PRDM1: variants seen among roughly 807,000 people sequenced by gnomAD.
PRDM1 encodes the protein PR/SET domain 1.
A neutral mutation model predicts 62.8 loss-of-function variants in PRDM1; 13 were observed. The ratio of observed to expected loss-of-function variants is 0.21; its 90% CI spans 0.13 to 0.33. PRDM1 has a LOEUF of 0.33. PRDM1 is among the 10% of genes least tolerant of loss of function. The probability of loss-of-function intolerance (pLI) is 1.00; values close to 1 mark genes in which losing one functional copy is unlikely to be tolerated. For synonymous variants in PRDM1, 396 were observed against 417.6 expected (o/e 0.95, Z 0.63); for missense variants, 895 against 1,058.8 (o/e 0.85, Z 2.15).
chr6:106,013,367 GC>G (rs1267174579), intron 1 of PRDM1, among the ~76,000 whole-genome samples: 2 of 130,014 alleles, frequency 1.5e-5, no homozygotes, highest in Admixed American at 1.7e-4. Flanking sequence ...TCTCTTTGTT[GC>G]TCGGGCTGGA....
rs1196030599 is a variant in PRDM1 at position 106,088,240 on chromosome 6, G to C, written c.82G>C (p.Gly28Arg). The stretch of plus-strand genomic sequence containing the variant: ...TAACTCCAGCACTGTGAGGTTTCAG[G>C]GATTGGCAGAGGGGACCAAGGGGAC... Reference protein sequence around the residue: ...KCNSSTVRFQGLAEGTKGTMK... With the variant: ...KCNSSTVRFQRLAEGTKGTMK... The change falls in exon 2 of 7, where the codon GGA becomes CGA. Residue 28 changes from glycine to arginine, a missense_variant. Physicochemically the swap from Gly to Arg is moderately radical, Grantham distance 125. Coordinates refer to ENST00000369096, the MANE Select transcript of PRDM1 (RefSeq NM_001198.4). 6.2e-7 allele frequency: 1 copy of C among 1,613,786 alleles called. No individual in the cohort carries two copies. The highest frequency in any genetic ancestry group is 1.7e-5 in the Admixed American group (1 of 59,980).
intron 1 of PRDM1, among the ~76,000 whole-genome samples, chr6:106,066,830 C>T (rs1238612175): frequency 2.0e-5 from 3 of 152,142 alleles, no homozygotes; most frequent in Non-Finnish European, 4.4e-5. Context: ...GTATTTTCTT[C>T]ATCATTACAT....
At chr6:106,081,857 C>T (rs956055487), upstream of PRDM1, among the ~76,000 whole-genome samples, 11 of 152,174 alleles carry the variant, frequency 7.2e-5, no homozygotes, top group African/African-American at 2.4e-4. Flanking sequence ...GGGGACTGCT[C>T]CTCCCTGCAC....
At position 106,089,983 on chromosome 6, in the gene PRDM1, T is replaced by G. The variant is rs181850601; in HGVS notation, c.291+1534T>G. Among the ~76,000 whole-genome samples the G allele has an allele frequency of 1.9e-3, 296 of 152,380 alleles. 1 individual carries two copies. Among genetic ancestry groups the G allele is most frequent in the South Asian group, 5.8e-3 (28 of 4,834 alleles). On this transcript the variant is annotated intron_variant, in intron 2 of 6. Coordinates refer to ENST00000369096, the MANE Select transcript of PRDM1 (RefSeq NM_001198.4). Reference sequence around the variant, plus strand: ...ATAATGTTCTTATCGTCAGTTCAGCTCTTAGCTTAAGTTTTTCAATTTCCG... The same window carrying G: ...ATAATGTTCTTATCGTCAGTTCAGCGCTTAGCTTAAGTTTTTCAATTTCCG...
At chr6:106,095,115 G>A (rs1774076427) in intron 2 of PRDM1, among the ~76,000 whole-genome samples, 1 of 150,948 alleles carries the variant, frequency 6.6e-6, no homozygotes, top group Non-Finnish European at 1.5e-5. Flanking sequence ...TTGGTTTCTG[G>A]TTCCTTAGGC....
At chr6:106,020,038 C>T (rs188126899) in intron 1 of PRDM1, among the ~76,000 whole-genome samples, 59 of 148,820 alleles carry the variant, frequency 4.0e-4, no homozygotes, top group African/African-American at 1.4e-3. Flanking sequence ...ACAAGCCTGG[C>T]CAACATGGTG....
At chr6:106,012,375 A>G (rs1056677135) in intron 1 of PRDM1, among the ~76,000 whole-genome samples, 1 of 150,862 alleles carries the variant, frequency 6.6e-6, no homozygotes, top group African/African-American at 2.4e-5. Context: ...CCTCTACATT[A>G]CACATACCAC....
chr6:106,030,996 CTTTT>C (rs11343130), intron 1 of PRDM1, among the ~76,000 whole-genome samples: 1 of 135,310 alleles, frequency 7.4e-6, no homozygotes, highest in Admixed American at 7.4e-5. Flanking sequence ...TGTATTCTCT[CTTTT>C]TTTTTTTTTT....
At chr6:106,044,475 C>G (rs1290502601), upstream of PRDM1, among the ~76,000 whole-genome samples, 2 of 151,998 alleles carry the variant, frequency 1.3e-5, no homozygotes, top group Non-Finnish European at 2.9e-5. Context: ...AGTATTGAAC[C>G]CAGGGCAAAC....
intron 1 of PRDM1, among the ~76,000 whole-genome samples, chr6:106,038,841 G>C (rs915271173): frequency 1.2e-4 from 19 of 152,154 alleles, no homozygotes; most frequent in African/African-American, 4.6e-4. Flanking sequence ...TCCCCTAGAG[G>C]TTGCATGAGT....
chr6:106,008,749 C>T (rs1351220658), intron 1 of PRDM1, among the ~76,000 whole-genome samples: 2 of 152,164 alleles, frequency 1.3e-5, no homozygotes, highest in African/African-American at 4.8e-5. Flanking sequence ...TCTTTATCCC[C>T]GTTTCTCCAG....
chr6:106,097,117 A>C (rs1316998942), intron 3 of PRDM1, among the ~76,000 whole-genome samples: 1 of 152,236 alleles, frequency 6.6e-6, no homozygotes, highest in East Asian at 1.9e-4. Context: ...CACAATTTTT[A>C]TTTAATAATT....
At position 106,105,060 on chromosome 6, in the gene PRDM1, C is replaced by T. The variant is rs761441184; in HGVS notation, c.900C>T (p.Pro300=). 3 of 1,614,112 alleles carry T rather than the reference C, an allele frequency of 1.9e-6. No individual in the cohort carries two copies. Among genetic ancestry groups the T allele is most frequent in the East Asian group, 4.5e-5 (2 of 44,880 alleles). The change falls in exon 5 of 7, where the codon CCC becomes CCT. Residue 300 remains proline (P), a synonymous_variant. Transcript: ENST00000369096. ...CCTTCTACCCTCGGGTCGTTTACCC[C>T]ATCCGGGCCCCTCTGCCAGAAGACT... ...EMPFYPRVVY[P]IRAPLPEDFL...
At chr6:106,042,912 G>T (rs979361182) in intron 1 of PRDM1, among the ~76,000 whole-genome samples, 1 of 152,018 alleles carries the variant, frequency 6.6e-6, no homozygotes, top group Non-Finnish European at 1.5e-5. Flanking sequence ...ATGCAATGGC[G>T]CATTCTCGGC....
chr6:106,098,784 G>A, intron 3 of PRDM1: 1 of 1,493,632 alleles, frequency 6.7e-7, no homozygotes, highest in South Asian at 1.2e-5. Flanking sequence ...TGGGGGTGGA[G>A]GATGTTTGCA....
chr6:106,039,620 A>G (rs1772965575), intron 1 of PRDM1, among the ~76,000 whole-genome samples: 1 of 152,322 alleles, frequency 6.6e-6, no homozygotes, highest in East Asian at 1.9e-4. Flanking sequence ...ACTGATTGAA[A>G]TATAGGCCAC....
chr6:106,030,889 G>A (rs973620149), intron 1 of PRDM1, among the ~76,000 whole-genome samples: 4 of 151,884 alleles, frequency 2.6e-5, no homozygotes, highest in Non-Finnish European at 5.9e-5. Flanking sequence ...TATATCTGAA[G>A]TGATCCTATT....
chr6:106,030,566 C>T lies in PRDM1; in HGVS notation c.-67+36927C>T, dbSNP rs142516357. On this transcript the variant is annotated intron_variant, in intron 1 of 6. Coordinates refer to the PRDM1 transcript ENST00000652320. ...CTTTAATGGTTTATGCCTTTTTTGA[C>T]GGGGGTGGGGGGCAGGTAACTTATC... Among the ~76,000 whole-genome samples the T allele has an allele frequency of 6.7e-4, 101 of 151,220 alleles. 1 individual carries two copies. In the East Asian group the frequency reaches 0.016, roughly 23 times the overall value.
At chr6:106,027,098 T>C (rs919282252) in intron 1 of PRDM1, among the ~76,000 whole-genome samples, 4 of 152,234 alleles carry the variant, frequency 2.6e-5, no homozygotes, top group Non-Finnish European at 5.9e-5. Context: ...CTATGTGATC[T>C]ATTCGAATCT....
Sources: allele counts gnomAD v4.1 joint callset (sites outside exome capture counted in the v4.1 genomes callset), GRCh38; gene constraint gnomAD v4.1.1; transcripts MANE v1.5; gene names NCBI Gene and HGNC (gene_info 2026-07-23, HGNC 2026-07-21).